CAMTA1: variants seen among roughly 807,000 people sequenced by gnomAD.
The protein encoded by CAMTA1 is calmodulin-binding transcription activator 1.
Under a neutral mutation model 170.9 loss-of-function variants are expected in CAMTA1, and 27 were observed. That is an observed-to-expected ratio of 0.16 (90% CI 0.12 to 0.22). The LOEUF is 0.22. Ranked by LOEUF, CAMTA1 falls within the 10% of genes least tolerant of loss-of-function variation. The pLI, the probability that CAMTA1 is intolerant of heterozygous loss-of-function variation, is 1.00. For missense variants in CAMTA1, 1,619 were observed against 2,217.2 expected (o/e 0.73, Z 5.42); for synonymous variants, 833 against 891.5 (o/e 0.93, Z 1.17).
chr1:7,317,932 AG>A (rs1000580746), intron 5 of CAMTA1, among the ~76,000 whole-genome samples: 5 of 152,172 alleles, frequency 3.3e-5, no homozygotes, highest in African/African-American at 1.2e-4. Context: ...TTTTAAGCCA[AG>A]GGGAGATGTA....
At chr1:7,335,124 T>TTGTGTGTGTGGGTGTGTGTGTG (rs2083273296) in intron 5 of CAMTA1, among the ~76,000 whole-genome samples, 1 of 19,178 alleles carries the variant, frequency 5.2e-5, no homozygotes, top group Non-Finnish European at 9.9e-5. Flanking sequence ...AGCACAGCTT[T>TTGTGTGTGTGGGTGTGTGTGTG]TGTGTGTGTG....
At chr1:7,471,282 G>C (rs1280550885) in intron 6 of CAMTA1, among the ~76,000 whole-genome samples, 1 of 152,242 alleles carries the variant, frequency 6.6e-6, no homozygotes, top group East Asian at 1.9e-4. Context: ...TATGAGCGAG[G>C]AGACGGGCAG....
chr1:7,110,455 C>G (rs1021958056), intron 4 of CAMTA1, among the ~76,000 whole-genome samples: 1 of 152,154 alleles, frequency 6.6e-6, no homozygotes, highest in Non-Finnish European at 1.5e-5. Context: ...CTGAATTGCC[C>G]GAGCAGGCCG....
At chr1:7,037,031 TTAGA>T (rs1469433133) in intron 3 of CAMTA1, among the ~76,000 whole-genome samples, 1 of 152,222 alleles carries the variant, frequency 6.6e-6, no homozygotes, top group Non-Finnish European at 1.5e-5. Flanking sequence ...TTATAATGTC[TTAGA>T]TAGTAAAACA....
intron 3 of CAMTA1, among the ~76,000 whole-genome samples, chr1:7,011,625 G>A (rs1408525302): frequency 7.9e-5 from 12 of 152,136 alleles, no homozygotes; most frequent in Non-Finnish European, 1.3e-4. Flanking sequence ...CCCCGTCCCA[G>A]TTCCCAGCTT....
At chr1:7,648,898 A>G (rs2095828578) in intron 7 of CAMTA1, among the ~76,000 whole-genome samples, 1 of 152,034 alleles carries the variant, frequency 6.6e-6, no homozygotes, top group African/African-American at 2.4e-5. Context: ...CCCGGCCTAT[A>G]GCAGCCTCTG....
chr1:7,671,893 C>T lies in CAMTA1; in HGVS notation c.2779+856C>T, dbSNP rs547432978. Among the ~76,000 whole-genome samples the T allele has an allele frequency of 6.6e-4, 100 of 152,274 alleles. 1 individual carries two copies. Among genetic ancestry groups the T allele is most frequent in the Middle Eastern group, 3.4e-3 (1 of 294 alleles). On this transcript the variant is annotated intron_variant, in intron 10 of 22. Transcript: ENST00000303635. ...ACTATCTTCTTGATCACCATAGTAT[C>T]CCCGGGGCTGGCAGAGTGCCGGACA...
Position 7,036,225 on chromosome 1 carries a change from C to T in CAMTA1, c.235-55079C>T, listed in dbSNP as rs116226468. Among the ~76,000 whole-genome samples, 987 of 152,128 alleles carry T rather than the reference C, an allele frequency of 6.5e-3. 13 individuals carry two copies. The highest frequency in any genetic ancestry group is 0.024 in the Middle Eastern group (7 of 294). On this transcript the variant is annotated intron_variant, in intron 3 of 22. Coordinates refer to ENST00000303635, the MANE Select transcript of CAMTA1 (RefSeq NM_015215.4). ...TGACAGAAAATACGATTGGTTGGCACGCAGGTTTTTATTAGATTATCCTCT... is the reference window on the plus strand; with the variant it reads ...TGACAGAAAATACGATTGGTTGGCATGCAGGTTTTTATTAGATTATCCTCT...
intron 3 of CAMTA1, among the ~76,000 whole-genome samples, chr1:6,884,330 AC>A (rs1557762037): frequency 4.0e-4 from 58 of 143,228 alleles, no homozygotes; most frequent in South Asian, 1.9e-3. Flanking sequence ...ACACACACAC[AC>A]ACACAATTTT....
chr1:6,983,988 A>AGATGGATG (rs908359331), intron 3 of CAMTA1, among the ~76,000 whole-genome samples: 1 of 82,458 alleles, frequency 1.2e-5, no homozygotes, highest in Non-Finnish European at 2.5e-5. Flanking sequence ...ATGAGTGGAT[A>AGATGGATG]GATGGATGGA....
chr1:6,916,764 C>G (rs369032816), intron 3 of CAMTA1, among the ~76,000 whole-genome samples: 1 of 152,244 alleles, frequency 6.6e-6, no homozygotes, highest in African/African-American at 2.4e-5. Context: ...ACAGTAGATA[C>G]GTTTTCTGCT....
At chr1:6,905,121 A>G (rs947955298) in intron 3 of CAMTA1, among the ~76,000 whole-genome samples, 56 of 148,798 alleles carry the variant, frequency 3.8e-4, no homozygotes, top group African/African-American at 1.3e-3. Flanking sequence ...CATCTTCTCC[A>G]TCTCCACTGC....
intron 6 of CAMTA1, among the ~76,000 whole-genome samples, chr1:7,575,729 G>C (rs1403790065): frequency 6.6e-6 from 1 of 152,028 alleles, no homozygotes; most frequent in Non-Finnish European, 1.5e-5. Flanking sequence ...CCCAGGTGTA[G>C]GCAGGGAAAG....
At chr1:7,372,459 C>T (rs996207457) in intron 5 of CAMTA1, among the ~76,000 whole-genome samples, 51 of 152,316 alleles carry the variant, frequency 3.3e-4, no homozygotes, top group African/African-American at 9.6e-4. Flanking sequence ...CCTACCCCAC[C>T]GTCTAGTCGA....
chr1:6,816,381 G>C (rs1365398602), intron 1 of CAMTA1, among the ~76,000 whole-genome samples: 1 of 152,164 alleles, frequency 6.6e-6, no homozygotes, highest in Non-Finnish European at 1.5e-5. Context: ...CTTGTTCAGT[G>C]CTGTGTCCCA....
At chr1:7,244,901 TA>T (rs1431504985) in intron 4 of CAMTA1, among the ~76,000 whole-genome samples, 3 of 151,730 alleles carry the variant, frequency 2.0e-5, no homozygotes, top group African/African-American at 7.3e-5. Context: ...ATAATAATAA[TA>T]AAAATAAATA....
rs2096673105 is a variant in CAMTA1, at chr1:7,724,827, A to T, written c.2915-7621A>T. 1.3e-5 allele frequency among the ~76,000 whole-genome samples: 2 copies of T among 152,002 alleles called. 1 individual carries two copies. The highest frequency in any genetic ancestry group is 4.1e-4 in the South Asian group (2 of 4,822). On this transcript the variant is annotated intron_variant, in intron 11 of 22. Coordinates refer to ENST00000303635, the MANE Select transcript of CAMTA1 (RefSeq NM_015215.4). ...AACAGAGCGAGACTCTCAAAAAAAAAAAAAAAAAAAGATCGCATGTATTAG... is the reference window on the plus strand; with the variant it reads ...AACAGAGCGAGACTCTCAAAAAAAATAAAAAAAAAAGATCGCATGTATTAG...
intron 3 of CAMTA1, among the ~76,000 whole-genome samples, chr1:6,937,006 A>C (rs574977654): frequency 7.4e-4 from 113 of 152,036 alleles, no homozygotes; most frequent in African/African-American, 2.6e-3. Flanking sequence ...GACAAAAAAA[A>C]CAGAGAGAGG....
chr1:6,976,674 C>T (rs1225867941), intron 3 of CAMTA1, among the ~76,000 whole-genome samples: 2 of 152,104 alleles, frequency 1.3e-5, no homozygotes, highest in African/African-American at 4.8e-5. Context: ...GAGCCAAGCT[C>T]TCCGTGAAGG....
Sources: gnomAD v4.1 joint callset for allele counts (sites outside exome capture counted in the v4.1 genomes callset) on GRCh38, gnomAD v4.1.1 for gene constraint, MANE v1.5 for transcripts, NCBI Gene and HGNC (gene_info 2026-07-23, HGNC 2026-07-21) for gene names.